The following C1orf116 variants were observed in gnomAD, a reference collection of about 807,000 sequenced individuals.
C1orf116 encodes specifically androgen-regulated gene protein.
In C1orf116, 12 loss-of-function variants were observed where a neutral mutation model predicts 14.1. The ratio of observed to expected loss-of-function variants is 0.85; its 90% CI spans 0.54 to 1.38. The LOEUF is 1.38. Among genes scored for constraint, C1orf116 ranks in the 40% most tolerant of loss-of-function variants. The pLI is 0.00. For synonymous variants in C1orf116, 296 were observed against 299.0 expected (o/e 0.99, Z 0.10); for missense variants, 797 against 747.0 (o/e 1.07, Z -0.78).
rs1176288386 is a variant in C1orf116, at chr1:207,022,403, G to A, written c.1361C>T (p.Ala454Val). Residue 454 changes from alanine to valine, a missense_variant, in exon 4 of 4, where the codon GCC becomes GTC. Transcript: ENST00000359470. ...TGACTCTGGCTTCGGTGGAGTCAGG[G>A]CACTGTTTGCCCTTGGGGCCTTAGG... ...SIPKAPRANSALTPPKPESGL... is the reference protein window; with the variant it reads ...SIPKAPRANSVLTPPKPESGL... The A allele has an allele frequency of 6.2e-7, 1 of 1,614,204 alleles. No homozygotes were observed. The highest frequency in any genetic ancestry group is 8.5e-7 in the Non-Finnish European group (1 of 1,180,028).
rs1471110849 is a variant in C1orf116 at position 207,021,769 on chromosome 1, T to C, written c.*189A>G. 10 of 527,906 alleles carry C rather than the reference T, an allele frequency of 1.9e-5. No individual in the cohort carries two copies. Among genetic ancestry groups the C allele is most frequent in the African/African-American group, 3.8e-5 (2 of 52,240 alleles). 32.7% of individuals were successfully genotyped at this position (527,906 alleles called of 1,614,324 possible). On this transcript the variant is annotated 3_prime_UTR_variant, in exon 4 of 4. Transcript: ENST00000359470. ...AAACACACACACACACACCCTCTTG[T>C]GGAGATCACCTTCAGAATGATCCAC...
chr1:207,023,868 G>T (rs1163238411), intron 3 of C1orf116, among the ~76,000 whole-genome samples: 1 of 152,166 alleles, frequency 6.6e-6, no homozygotes, highest in Admixed American at 6.5e-5. Context: ...ATGATGGGCG[G>T]CAAGAGAGTG....
intron 2 of C1orf116, among the ~76,000 whole-genome samples, chr1:207,026,709 T>A (rs1390449188): frequency 6.6e-6 from 1 of 152,226 alleles, no homozygotes; most frequent in Non-Finnish European, 1.5e-5. Flanking sequence ...CTTATGTATG[T>A]GACAAGCATG....
intron 3 of C1orf116, among the ~76,000 whole-genome samples, chr1:207,024,482 T>C (rs1195312247): frequency 6.6e-6 from 1 of 152,196 alleles, no homozygotes. Flanking sequence ...CCCTTCCTTC[T>C]CCTTATCTCT....
rs1160119989 is a variant in C1orf116 at position 207,019,886 on chromosome 1, C to T, written c.*2072G>A. 2 of 152,192 alleles carry T rather than the reference C, an allele frequency of 1.3e-5. No homozygotes were observed. The highest frequency in any genetic ancestry group is 1.3e-4 in the Admixed American group (2 of 15,286). 9.4% of individuals were successfully genotyped at this position (152,192 alleles called of 1,614,324 possible). On this transcript the variant is annotated 3_prime_UTR_variant, in exon 4 of 4. Coordinates refer to ENST00000359470, the MANE Select transcript of C1orf116 (RefSeq NM_023938.6). ...TGTGGGAATATAATAGGCTGTACTC[C>T]TGATGACCTTGACCATCCTAATCAC...
intron 3 of C1orf116, among the ~76,000 whole-genome samples, chr1:207,024,448 G>T (rs1365774730): frequency 3.3e-5 from 5 of 152,152 alleles, no homozygotes; most frequent in Non-Finnish European, 5.9e-5. Flanking sequence ...GGGCCTTGAG[G>T]TACTTCCCAC....
rs772567552 is a variant in C1orf116, at chr1:207,021,291, C to T, written c.*667G>A. ...TGGTCACTTATCCTGCCTTCTCAGACCAACAAGAGCTGTTCTGCTATCAAT... is the reference window on the plus strand; with the variant it reads ...TGGTCACTTATCCTGCCTTCTCAGATCAACAAGAGCTGTTCTGCTATCAAT... On this transcript the variant is annotated 3_prime_UTR_variant, in exon 4 of 4. Coordinates refer to ENST00000359470, the MANE Select transcript of C1orf116 (RefSeq NM_023938.6). The T allele has an allele frequency of 6.6e-6, 1 of 152,620 alleles. No homozygotes were observed. Among genetic ancestry groups the T allele is most frequent in the Non-Finnish European group, 1.5e-5 (1 of 68,052 alleles). 9.5% of individuals were successfully genotyped at this position (152,620 alleles called of 1,614,324 possible). A position where few individuals can be genotyped will look rare whatever the true frequency, so the allele number is the denominator to read the frequency against.
rs1470942152 is a variant in C1orf116 at position 207,023,352 on chromosome 1, T to C, written c.412A>G (p.Ile138Val). 6.2e-7 allele frequency: 1 copy of C among 1,614,108 alleles called. No individual in the cohort carries two copies. Among genetic ancestry groups the C allele is most frequent in the Admixed American group, 1.7e-5 (1 of 60,024 alleles). The change falls in exon 4 of 4, where the codon ATC becomes GTC. Residue 138 changes from isoleucine to valine, a missense_variant. By Grantham distance (29) the Ile-to-Val change is conservative. Coordinates refer to ENST00000359470, the MANE Select transcript of C1orf116 (RefSeq NM_023938.6). ...RSGSYSLPRN[I>V]HIARSQNFRK... ...AAGTTCTGGCTTCTGGCAATGTGGA[T>C]ATTCCTAGGGAGGCTGTAGGAGCCA...
rs1284509380 is a variant in C1orf116 at position 207,023,469 on chromosome 1, C to T, written c.295G>A (p.Glu99Lys). 6.2e-7 allele frequency: 1 copy of T among 1,607,646 alleles called. No homozygotes were observed. The highest frequency in any genetic ancestry group is 1.1e-5 in the South Asian group (1 of 90,272). The change falls in exon 4 of 4, where the codon GAG becomes AAG. Residue 99 changes from glutamate to lysine, a missense_variant. By Grantham distance (56) the Glu-to-Lys change is moderately conservative (BLOSUM62 1). Coordinates refer to ENST00000359470, the MANE Select transcript of C1orf116 (RefSeq NM_023938.6). ...TQPTPRGGPE[E>K]TITQQGRTPR... ...GTTCGTCCTTGCTGAGTGATGGTCT[C>T]CTCTGGACCTCCTGTGAGGGTCAGA...
At chr1:207,028,817 A>C (rs1682160013) in intron 1 of C1orf116, among the ~76,000 whole-genome samples, 1 of 152,266 alleles carries the variant, frequency 6.6e-6, no homozygotes, top group Non-Finnish European at 1.5e-5. Flanking sequence ...TAAAAGAATT[A>C]AGATGAAAAG....
At position 207,020,780 on chromosome 1, in the gene C1orf116, C is replaced by G. The variant is rs557843056; in HGVS notation, c.*1178G>C. 1 of 152,178 alleles carries G rather than the reference C, an allele frequency of 6.6e-6. No individual in the cohort carries two copies. Among genetic ancestry groups the G allele is most frequent in the Admixed American group, 6.5e-5 (1 of 15,272 alleles). The allele number at this position is 152,178 out of a possible 1,614,324, so 9.4% of individuals were successfully genotyped here. ...CTTAGGGTTGAGTCTTTGATGGTGA[C>G]TATGGCTCCTTAGGGTGCTGTGTGG... On this transcript the variant is annotated 3_prime_UTR_variant, in exon 4 of 4. Transcript: ENST00000359470.
chr1:207,031,701 G>A (rs1297689898), intron 1 of C1orf116, among the ~76,000 whole-genome samples: 1 of 152,110 alleles, frequency 6.6e-6, no homozygotes, highest in East Asian at 1.9e-4. Flanking sequence ...CTGCCAACTG[G>A]GACACCTGCA....
intron 2 of C1orf116, 71 bp downstream of exon 2, chr1:207,027,423 G>C: frequency 6.3e-7 from 1 of 1,581,900 alleles, no homozygotes; most frequent in African/African-American, 1.3e-5. Context: ...GGCAGGAAAG[G>C]ATAGGGCAGG....
chr1:207,022,715 G>A lies in C1orf116; in HGVS notation c.1049C>T (p.Ala350Val), dbSNP rs1225818003. 3 of 1,614,162 alleles carry A rather than the reference G, an allele frequency of 1.9e-6. No individual in the cohort carries two copies. The highest frequency in any genetic ancestry group is 2.5e-6 in the Non-Finnish European group (3 of 1,180,028). The change falls in exon 4 of 4, where the codon GCT becomes GTT. Residue 350 changes from alanine to valine, a missense_variant. Coordinates refer to ENST00000359470, the MANE Select transcript of C1orf116 (RefSeq NM_023938.6). ...CTGGGGTAGCCCCAGCTTCTCTAGA[G>A]CTTCTTTACGTGCTTTTCTCTGCTC... is the stretch of plus-strand genomic sequence containing the variant. ...LQEQRKARKE[A>V]LEKLGLPQDQ...
intron 2 of C1orf116, among the ~76,000 whole-genome samples, chr1:207,026,161 C>T (rs1194075357): frequency 6.6e-6 from 1 of 152,160 alleles, no homozygotes; most frequent in African/African-American, 2.4e-5. Flanking sequence ...GATTTTGAGA[C>T]AGCTCTAAAA....
Position 207,020,308 on chromosome 1 carries a change from C to T in C1orf116, c.*1650G>A, listed in dbSNP as rs1430724666. On this transcript the variant is annotated 3_prime_UTR_variant, in exon 4 of 4. Transcript: ENST00000359470. Reference sequence around the variant, plus strand: ...GGAGTATTTGTTGTCCTTATGTTAACCTTGTCACCGTTTTCAGAAATTCTG... The same window carrying T: ...GGAGTATTTGTTGTCCTTATGTTAATCTTGTCACCGTTTTCAGAAATTCTG... 1.3e-5 allele frequency: 2 copies of T among 152,152 alleles called. No homozygotes were observed. The highest frequency in any genetic ancestry group is 2.9e-5 in the Non-Finnish European group (2 of 68,040). 9.4% of individuals were successfully genotyped at this position (152,152 alleles called of 1,614,324 possible).
chr1:207,030,308 C>A (rs1682207319), intron 1 of C1orf116, among the ~76,000 whole-genome samples: 1 of 152,154 alleles, frequency 6.6e-6, no homozygotes, highest in African/African-American at 2.4e-5. Context: ...CTCCACAGGG[C>A]ATTTCAGGGA....
At position 207,021,736 on chromosome 1, in the gene C1orf116, C is replaced by A; in HGVS notation, c.*222G>T. The A allele has an allele frequency of 2.3e-6, 1 of 426,380 alleles. No homozygotes were observed. The highest frequency in any genetic ancestry group is 4.1e-6 in the Non-Finnish European group (1 of 245,444). The allele number at this position is 426,380 out of a possible 1,614,324, so 26.4% of individuals were successfully genotyped here. A position where few individuals can be genotyped will look rare whatever the true frequency, so the allele number is the denominator to read the frequency against. On this transcript the variant is annotated 3_prime_UTR_variant, in exon 4 of 4. Transcript: ENST00000359470. Reference sequence around the variant, plus strand: ...TGTATCCAGCGGCCCCCCCTCCACACACACACCAAACACACACACACACAC... The same window carrying A: ...TGTATCCAGCGGCCCCCCCTCCACAAACACACCAAACACACACACACACAC...
At chr1:207,029,732 C>T (rs928107556) in intron 1 of C1orf116, among the ~76,000 whole-genome samples, 1 of 152,152 alleles carries the variant, frequency 6.6e-6, no homozygotes, top group African/African-American at 2.4e-5. Context: ...TTCAGTTAAA[C>T]TAACATTTAT....
Sources: allele counts gnomAD v4.1 joint callset (sites outside exome capture counted in the v4.1 genomes callset), GRCh38; gene constraint gnomAD v4.1.1; transcripts MANE v1.5; gene names NCBI Gene and HGNC (gene_info 2026-07-23, HGNC 2026-07-21).